UNC13C: variants seen among roughly 807,000 people sequenced by gnomAD.
The protein encoded by UNC13C is unc-13 homolog C, also known as protein unc-13 homolog C.
Under a neutral mutation model 245.4 loss-of-function variants are expected in UNC13C, and 174 were observed. That is an observed-to-expected ratio of 0.71 (90% CI 0.63 to 0.80). The LOEUF is 0.80. Ranked by LOEUF, UNC13C falls within the 30% of genes least tolerant of loss-of-function variation. The pLI, the probability that UNC13C is intolerant of heterozygous loss-of-function variation, is 0.00. For missense variants in UNC13C, 2,829 were observed against 2,602.9 expected, an observed-to-expected ratio of 1.09 and a Z score of -1.89; for synonymous variants, 992 against 895.1, an observed-to-expected ratio of 1.11 and a Z score of -1.93.
chr15:54,388,763 A>G (rs748969493), intron 17 of UNC13C, among the ~76,000 whole-genome samples: 5 of 151,962 alleles, frequency 3.3e-5, no homozygotes, highest in Admixed American at 1.3e-4. Context: ...GTGGTCACAT[A>G]TTTATCTCTC....
the UNC13C span, among the ~76,000 whole-genome samples, chr15:53,868,902 G>C: frequency 3.9e-5 from 6 of 152,116 alleles, no homozygotes; most frequent in African/African-American, 1.2e-4. Flanking sequence ...AGGATCATTT[G>C]AACCCAGGAG....
intron 14 of UNC13C, among the ~76,000 whole-genome samples, chr15:54,329,255 C>T (rs2038378650): frequency 6.6e-6 from 1 of 151,828 alleles, no homozygotes; most frequent in African/African-American, 2.4e-5. Flanking sequence ...TCGATCATCT[C>T]AAGCATTTAT....
intron 8 of UNC13C, among the ~76,000 whole-genome samples, chr15:54,251,165 C>T (rs2036143264): frequency 6.6e-6 from 1 of 152,158 alleles, no homozygotes; most frequent in Admixed American, 6.5e-5. Context: ...GCATTTACAG[C>T]AACTGGAATT....
the UNC13C span, among the ~76,000 whole-genome samples, chr15:53,883,487 A>C: frequency 6.6e-6 from 1 of 152,178 alleles, no homozygotes; most frequent in African/African-American, 2.4e-5. Context: ...AGTTACTTTA[A>C]ATTTCTTAAC....
intron 2 of UNC13C, among the ~76,000 whole-genome samples, chr15:54,124,167 A>G (rs1279946964): frequency 6.6e-6 from 1 of 152,160 alleles, no homozygotes; most frequent in Non-Finnish European, 1.5e-5. Flanking sequence ...AATCATATGT[A>G]GATTTTTGTG....
chr15:53,911,870 A>C, the UNC13C span: 1 of 152,280 alleles, frequency 6.6e-6, no homozygotes, highest in South Asian at 2.1e-4. Context: ...TGCTGAGTTC[A>C]GCACCCCCGG....
chr15:54,046,563 T>C (rs552720496), intron 2 of UNC13C, among the ~76,000 whole-genome samples: 1 of 152,264 alleles, frequency 6.6e-6, no homozygotes, highest in African/African-American at 2.4e-5. Flanking sequence ...TGTTCATTTT[T>C]CTAGTGGGTT....
At chr15:53,873,906 T>C in the UNC13C span, among the ~76,000 whole-genome samples, 1 of 23,240 alleles carries the variant, frequency 4.3e-5, no homozygotes, top group Non-Finnish European at 9.2e-5. Flanking sequence ...TTTCCTTCCT[T>C]CCTTCCTTCC....
At chr15:54,242,205 T>C (rs959947121) in intron 7 of UNC13C, among the ~76,000 whole-genome samples, 4 of 152,148 alleles carry the variant, frequency 2.6e-5, no homozygotes, top group Non-Finnish European at 5.9e-5. Flanking sequence ...TTCTCTGGGA[T>C]GGTTTCTATA....
At chr15:54,559,096 G>A (rs946640815) in intron 29 of UNC13C, among the ~76,000 whole-genome samples, 1 of 152,002 alleles carries the variant, frequency 6.6e-6, no homozygotes, top group Non-Finnish European at 1.5e-5. Flanking sequence ...TTGGCTTCAT[G>A]CAGTGGCAAT....
intron 22 of UNC13C, among the ~76,000 whole-genome samples, chr15:54,505,398 A>T (rs1894427942): frequency 6.6e-6 from 1 of 152,176 alleles, no homozygotes; most frequent in African/African-American, 2.4e-5. Flanking sequence ...TAAAACCCAG[A>T]CAGCTGGAGC....
At chr15:54,564,812 C>T (rs1181912663) in intron 29 of UNC13C, among the ~76,000 whole-genome samples, 1 of 152,024 alleles carries the variant, frequency 6.6e-6, no homozygotes, top group East Asian at 1.9e-4. Flanking sequence ...TTTAGGAGTG[C>T]AGTGTCATCT....
intron 2 of UNC13C, among the ~76,000 whole-genome samples, chr15:54,102,298 A>T (rs1403209195): frequency 1.3e-5 from 2 of 152,064 alleles, no homozygotes; most frequent in African/African-American, 4.8e-5. Flanking sequence ...CTAGCCTGAG[A>T]ATGTACTGGC....
chr15:54,029,614 AC>A (rs780357217), intron 2 of UNC13C, among the ~76,000 whole-genome samples: 82 of 152,254 alleles, frequency 5.4e-4, no homozygotes, highest in Admixed American at 1.0e-3. Context: ...CAATTAAAAT[AC>A]TAATTATTAC....
intron 7 of UNC13C, among the ~76,000 whole-genome samples, chr15:54,243,632 G>A (rs768652899): frequency 2.0e-5 from 3 of 152,084 alleles, no homozygotes; most frequent in Admixed American, 6.5e-5. Flanking sequence ...AACCATGCCA[G>A]CATCTGTTGT....
intron 23 of UNC13C, among the ~76,000 whole-genome samples, chr15:54,509,170 G>A (rs1894625025): frequency 6.6e-6 from 1 of 152,122 alleles, no homozygotes; most frequent in Non-Finnish European, 1.5e-5. Context: ...TTGCACTCCA[G>A]CCTGGCCAAA....
intron 2 of UNC13C, among the ~76,000 whole-genome samples, chr15:54,063,872 T>A (rs150024401): frequency 6.6e-6 from 1 of 152,248 alleles, no homozygotes; most frequent in East Asian, 1.9e-4. Context: ...GAAAGGGCCA[T>A]TAGACAAATC....
intron 32 of UNC13C, among the ~76,000 whole-genome samples, chr15:54,625,988 T>C (rs987224142): frequency 6.6e-6 from 1 of 152,170 alleles, no homozygotes; most frequent in African/African-American, 2.4e-5. Flanking sequence ...AAAGTTTAGT[T>C]ACCAGTGTTT....
chr15:54,159,403 T>A (rs549808827), intron 4 of UNC13C, among the ~76,000 whole-genome samples: 119 of 152,360 alleles, frequency 7.8e-4, no homozygotes, highest in African/African-American at 2.7e-3. Flanking sequence ...GTCAACACTT[T>A]ATTAAGTGTG....
Sources: gnomAD v4.1 joint callset for allele counts (sites outside exome capture counted in the v4.1 genomes callset) on GRCh38, gnomAD v4.1.1 for gene constraint, MANE v1.5 for transcripts, NCBI Gene and HGNC (gene_info 2026-07-23, HGNC 2026-07-21) for gene names.